Variants in SLC9D1 observed in about 807,000 individuals in gnomAD.
The protein encoded by SLC9D1 is solute carrier family 9 member D1.
At chr13:113,507,384 T>C in the SLC9D1 span, among the ~76,000 whole-genome samples, 1 of 152,228 alleles carries the variant, frequency 6.6e-6, no homozygotes, top group South Asian at 2.1e-4. Flanking sequence ...TAACCTGAGA[T>C]ACCCGGAGTG....
chr13:113,534,103 GC>G, the SLC9D1 span: 1 of 1,612,748 alleles, frequency 6.2e-7, no homozygotes, highest in Non-Finnish European at 8.5e-7. Flanking sequence ...TTTTTCACTA[GC>G]GGCGGTTTTT....
the SLC9D1 span, chr13:113,547,257 A>T: frequency 7.0e-7 from 1 of 1,433,388 alleles, no homozygotes; most frequent in Non-Finnish European, 9.8e-7. Flanking sequence ...GCGCTGGGGG[A>T]GGCTGTCCTG....
At chr13:113,539,593 T>C in the SLC9D1 span, 20 of 1,384,546 alleles carry the variant, frequency 1.4e-5, no homozygotes, top group East Asian at 4.6e-4. The surrounding 1 kb of genome is among the most constrained non-coding windows in gnomAD (Gnocchi z 4.8). Flanking sequence ...TATATATTTA[T>C]ATAGCAAAAA....
chr13:113,549,448 GAC>G, the SLC9D1 span: 1 of 1,614,056 alleles, frequency 6.2e-7, no homozygotes. Flanking sequence ...TACTGAGTGT[GAC>G]CACGCTCAGC....
At chr13:113,523,160 A>T in the SLC9D1 span, among the ~76,000 whole-genome samples, 1 of 151,756 alleles carries the variant, frequency 6.6e-6, no homozygotes, top group Admixed American at 6.6e-5. Flanking sequence ...AATAAAAGTC[A>T]TACTAGGTTC....
the SLC9D1 span, among the ~76,000 whole-genome samples, chr13:113,520,138 T>A: frequency 6.6e-6 from 1 of 152,220 alleles, no homozygotes; most frequent in Non-Finnish European, 1.5e-5. Context: ...ACAACATTTT[T>A]AATCTTAAAA....
the SLC9D1 span, among the ~76,000 whole-genome samples, chr13:113,496,614 A>G: frequency 5.3e-5 from 8 of 152,226 alleles, no homozygotes; most frequent in Admixed American, 1.3e-4. Context: ...GAGTACCTCT[A>G]CTATACCAAG....
the SLC9D1 span, among the ~76,000 whole-genome samples, chr13:113,509,240 C>T: frequency 1.0e-5 from 1 of 99,982 alleles, no homozygotes; most frequent in East Asian, 2.8e-4. Flanking sequence ...TGGGTGGGTC[C>T]CCCTGGCGCT....
At chr13:113,498,239 A>T in the SLC9D1 span, 17 of 862,992 alleles carry the variant, frequency 2.0e-5, no homozygotes, top group Admixed American at 2.9e-4. Context: ...AGTTATTGAC[A>T]TATGAACAGG....
At chr13:113,513,702 C>G in the SLC9D1 span, among the ~76,000 whole-genome samples, 1 of 152,182 alleles carries the variant, frequency 6.6e-6, no homozygotes, top group African/African-American at 2.4e-5. Flanking sequence ...AATTCATGCT[C>G]ACAGAGTTCA....
At chr13:113,495,204 G>T in the SLC9D1 span, among the ~76,000 whole-genome samples, 2 of 152,162 alleles carry the variant, frequency 1.3e-5, no homozygotes, top group Admixed American at 1.3e-4. Context: ...GCACATGGTG[G>T]AGTTGGTAGA....
chr13:113,512,095 C>A, the SLC9D1 span: 2 of 134,214 alleles, frequency 1.5e-5, no homozygotes, highest in South Asian at 4.9e-4. Flanking sequence ...TCTCAGGGGC[C>A]GGGACTGGAG....
the SLC9D1 span, among the ~76,000 whole-genome samples, chr13:113,518,782 C>A: frequency 1.2e-4 from 19 of 152,166 alleles, no homozygotes; most frequent in Admixed American, 3.3e-4. Context: ...ATCGTGTAAC[C>A]CTAAAAGGCA....
the SLC9D1 span, among the ~76,000 whole-genome samples, chr13:113,509,189 C>G: frequency 1.2e-4 from 12 of 97,410 alleles, 1 homozygote; most frequent in East Asian, 3.0e-4. Flanking sequence ...AGGTGGGTCC[C>G]CCCTGGAGCT....
chr13:113,539,274 C>A, the SLC9D1 span: 2 of 1,340,858 alleles, frequency 1.5e-6, no homozygotes, highest in African/African-American at 1.5e-5. This position sits in a 1 kb window ranked among gnomAD's most constrained non-coding sequence, Gnocchi z 4.8. Flanking sequence ...GGTGGCTCTG[C>A]TGGGTCTCGG....
the SLC9D1 span, among the ~76,000 whole-genome samples, chr13:113,525,913 C>T: frequency 2.6e-5 from 4 of 152,058 alleles, no homozygotes; most frequent in East Asian, 1.9e-4. Context: ...AAGCCGTCGT[C>T]GTCGTAGGAG....
At chr13:113,499,853 G>GAAC in the SLC9D1 span, 1 of 600,852 alleles carries the variant, frequency 1.7e-6, no homozygotes, top group Non-Finnish European at 2.6e-6. Context: ...CACTGCTAAT[G>GAAC]AACACTGATT....
At chr13:113,529,125 A>G in the SLC9D1 span, 1 of 152,260 alleles carries the variant, frequency 6.6e-6, no homozygotes, top group Non-Finnish European at 1.5e-5. Flanking sequence ...ACATTGTCTT[A>G]ATCAGAACAC....
At chr13:113,541,629 C>T in the SLC9D1 span, among the ~76,000 whole-genome samples, 4 of 143,492 alleles carry the variant, frequency 2.8e-5, no homozygotes, top group Non-Finnish European at 4.6e-5. Context: ...GATACGCACA[C>T]GATTGCTGAT....
Sources: gnomAD v4.1 joint callset for allele counts (sites outside exome capture counted in the v4.1 genomes callset) on GRCh38, gnomAD v4.1.1 for gene constraint, Gnocchi (gnomAD v3.1) non-coding constraint, MANE v1.5 for transcripts, NCBI Gene and HGNC (gene_info 2026-07-23, HGNC 2026-07-21) for gene names.